GRM1: variants seen among roughly 807,000 people sequenced by gnomAD.
GRM1 encodes metabotropic glutamate receptor 1.
A neutral mutation model predicts 90.9 loss-of-function variants in GRM1; 33 were observed. That is an observed-to-expected ratio of 0.36 (90% confidence interval 0.28 to 0.49). The LOEUF (loss-of-function observed/expected upper bound fraction) is 0.49. Ranked by LOEUF, GRM1 falls within the 20% of genes least tolerant of loss-of-function variation. The pLI is 0.99. For missense variants in GRM1, 1,190 were observed against 1,534.3 expected (o/e 0.78, Z 3.75); for synonymous variants, 700 against 613.2 (o/e 1.14, Z -2.09).
chr6:146,415,625 C>T (rs1024972458), intron 7 of GRM1, among the ~76,000 whole-genome samples: 1 of 152,164 alleles, frequency 6.6e-6, no homozygotes, highest in African/African-American at 2.4e-5. Flanking sequence ...GTCTGAAAAT[C>T]AGGTAGTGTA....
intron 3 of GRM1, among the ~76,000 whole-genome samples, chr6:146,328,821 G>A (rs554190284): frequency 2.0e-5 from 3 of 152,098 alleles, no homozygotes; most frequent in Non-Finnish European, 4.4e-5. Context: ...TATTGATTAG[G>A]TGCAGTTGGG....
intron 7 of GRM1, among the ~76,000 whole-genome samples, chr6:146,423,024 G>T (rs149593353): frequency 1.3e-5 from 2 of 151,036 alleles, no homozygotes; most frequent in Non-Finnish European, 3.0e-5. Context: ...AAGGAGAGAA[G>T]GGAAAAGAAG....
At chr6:146,120,395 T>A (rs971391344) in intron 1 of GRM1, among the ~76,000 whole-genome samples, 1 of 152,170 alleles carries the variant, frequency 6.6e-6, no homozygotes, top group Non-Finnish European at 1.5e-5. Context: ...AGGGACAATT[T>A]GACTTCCTCT....
chr6:146,165,004 C>T (rs577695445), intron 2 of GRM1, among the ~76,000 whole-genome samples: 4 of 151,742 alleles, frequency 2.6e-5, no homozygotes, highest in Non-Finnish European at 4.4e-5. Context: ...TATTGCTTCT[C>T]GCAACTCTGT....
At chr6:146,281,025 T>G (rs187557093) in intron 2 of GRM1, among the ~76,000 whole-genome samples, 4 of 152,318 alleles carry the variant, frequency 2.6e-5, no homozygotes, top group African/African-American at 9.6e-5. Flanking sequence ...GCTACTTTTT[T>G]GTTTATAGGT....
intron 1 of GRM1, among the ~76,000 whole-genome samples, chr6:146,079,099 T>C (rs186054712): frequency 1.9e-3 from 295 of 152,298 alleles, no homozygotes; most frequent in African/African-American, 6.0e-3. Context: ...ATGAACTTCC[T>C]GAGGCATCAC....
chr6:146,148,002 C>A (rs1297492998), intron 1 of GRM1, among the ~76,000 whole-genome samples: 1 of 152,198 alleles, frequency 6.6e-6, no homozygotes, highest in Non-Finnish European at 1.5e-5. Flanking sequence ...GTCTTTTAAT[C>A]TAAGTATGTA....
intron 7 of GRM1, among the ~76,000 whole-genome samples, chr6:146,407,022 G>A (rs575083972): frequency 6.6e-5 from 10 of 152,240 alleles, no homozygotes; most frequent in Non-Finnish European, 8.8e-5. Context: ...GGTGGCCAGC[G>A]CAAGGATATT....
At chr6:146,384,779 A>T (rs1776440031) in intron 5 of GRM1, among the ~76,000 whole-genome samples, 1 of 152,114 alleles carries the variant, frequency 6.6e-6, no homozygotes, top group Admixed American at 6.6e-5. Flanking sequence ...CATAAATATA[A>T]AAAGAAGAAA....
rs184854780 is a variant in GRM1 at position 146,064,212 on chromosome 6, G to T, written c.700+33995G>T. 6.6e-5 allele frequency among the ~76,000 whole-genome samples: 10 copies of T among 152,244 alleles called. 1 individual carries two copies. The highest frequency in any genetic ancestry group is 5.2e-4 in the Admixed American group (8 of 15,296). The stretch of plus-strand genomic sequence containing the variant: ...TTATGAATCTGTAAAAATTCCTGGC[G>T]TGATGTGCATGTGTGTGCACATGTA... On this transcript the variant is annotated intron_variant, in intron 1 of 7. Transcript: ENST00000282753.
intron 1 of GRM1, among the ~76,000 whole-genome samples, chr6:146,109,197 A>T (rs1775446522): frequency 6.6e-6 from 1 of 152,178 alleles, no homozygotes; most frequent in South Asian, 2.1e-4. Context: ...AGCATGTCAG[A>T]GGTTTTTATG....
At chr6:146,317,826 A>C (rs1027591484) in intron 3 of GRM1, among the ~76,000 whole-genome samples, 1 of 152,272 alleles carries the variant, frequency 6.6e-6, no homozygotes, top group South Asian at 2.1e-4. Context: ...GACCAAAGCA[A>C]GTTTTGTAGT....
rs1218937683 is a variant in GRM1 at position 146,437,283 on chromosome 6, G to C, written c.*2487G>C. ...GGAAACAACTTATATTCAAGTGTAAGATGATATCAGGTTGGTCTAAGACTT... is the reference window on the plus strand; with the variant it reads ...GGAAACAACTTATATTCAAGTGTAACATGATATCAGGTTGGTCTAAGACTT... On this transcript the variant is annotated 3_prime_UTR_variant, in exon 8 of 8. Coordinates refer to ENST00000282753, the MANE Select transcript of GRM1 (RefSeq NM_001278064.2). 3 of 152,412 alleles carry C rather than the reference G, an allele frequency of 2.0e-5. No homozygotes were observed. The highest frequency in any genetic ancestry group is 7.2e-5 in the African/African-American group (3 of 41,448). The allele number at this position is 152,412 out of a possible 1,614,324, so 9.4% of individuals were successfully genotyped here.
At chr6:146,192,053 C>T (rs916977427) in intron 2 of GRM1, among the ~76,000 whole-genome samples, 3 of 152,116 alleles carry the variant, frequency 2.0e-5, no homozygotes, top group African/African-American at 7.2e-5. Flanking sequence ...ACTTACTAAC[C>T]TCCTCACAAT....
rs575827565 is a variant in GRM1 at position 146,215,842 on chromosome 6, C to T, written c.950+56245C>T. On this transcript the variant is annotated intron_variant, in intron 2 of 7. Transcript: ENST00000282753. Reference sequence around the variant, plus strand: ...CTCGATCTCAGCTCACTGTAAGCTCCGCCTCCTGGGTTCACGCCATCCTCC... The same window carrying T: ...CTCGATCTCAGCTCACTGTAAGCTCTGCCTCCTGGGTTCACGCCATCCTCC... 2.6e-5 allele frequency among the ~76,000 whole-genome samples: 4 copies of T among 151,828 alleles called. No individual in the cohort carries two copies. The South Asian group carries it at 6.3e-4, about 24-fold the overall frequency.
At position 146,378,576 on chromosome 6, in the gene GRM1, G is replaced by A. The variant is rs570440230; in HGVS notation, c.1603-8314G>A. 2.6e-5 allele frequency among the ~76,000 whole-genome samples: 4 copies of A among 152,294 alleles called. No individual in the cohort carries two copies. The South Asian group carries it at 8.3e-4, about 32-fold the overall frequency. On this transcript the variant is annotated intron_variant, in intron 5 of 7. Transcript: ENST00000282753. ...TGTTTTGGCCAATTTCTCCCATTTG[G>A]AATAGAGGTTATTTACCCAATTCCT...
chr6:146,372,223 C>T (rs962393513), intron 5 of GRM1, among the ~76,000 whole-genome samples: 2 of 152,106 alleles, frequency 1.3e-5, no homozygotes, highest in Non-Finnish European at 1.5e-5. Context: ...TGATGTTGAG[C>T]ACTTTTTCTT....
rs201231751 is a variant in GRM1 at position 146,387,033 on chromosome 6, T to C, written c.1729+17T>C. ...ATCTAACAGGTAGGAACTGCCTCAC[T>C]TGGAAACCTTGTGCCTCACTATTTG... is the stretch of plus-strand genomic sequence containing the variant. On this transcript the variant is annotated intron_variant, in intron 6 of 7. Transcript: ENST00000282753. 27 of 1,611,784 alleles carry C rather than the reference T, an allele frequency of 1.7e-5. No individual in the cohort carries two copies. The African/African-American group carries it at 2.4e-4, about 14-fold the overall frequency.
rs917760063 is a variant in GRM1 at position 146,180,904 on chromosome 6, A to T, written c.950+21307A>T. ...TTACAGCAAATATTTTTAAAAGCGGACCTTTCTGGTTAGCTCTAGGTATAA... is the reference window on the plus strand; with the variant it reads ...TTACAGCAAATATTTTTAAAAGCGGTCCTTTCTGGTTAGCTCTAGGTATAA... On this transcript the variant is annotated intron_variant, in intron 2 of 7. Coordinates refer to ENST00000282753, the MANE Select transcript of GRM1 (RefSeq NM_001278064.2). Among the ~76,000 whole-genome samples, 3 of 152,176 alleles carry T rather than the reference A, an allele frequency of 2.0e-5. No individual in the cohort carries two copies. The South Asian group carries it at 6.2e-4, about 31-fold the overall frequency.
Sources: gnomAD v4.1 joint callset for allele counts (sites outside exome capture counted in the v4.1 genomes callset) on GRCh38, gnomAD v4.1.1 for gene constraint, MANE v1.5 for transcripts, NCBI Gene and HGNC (gene_info 2026-07-23, HGNC 2026-07-21) for gene names.